NBPF11: variants seen among roughly 807,000 people sequenced by gnomAD.
NBPF11 encodes NBPF member 11.
Under a neutral mutation model 93.9 loss-of-function variants are expected in NBPF11, and 72 were observed. The observed-to-expected ratio is 0.77, with a 90% CI of 0.63 to 0.93. NBPF11 has a LOEUF of 0.93. NBPF11 is among the 40% of genes least tolerant of loss of function. NBPF11 has a pLI of 0.00. For synonymous variants in NBPF11, 224 were observed against 304.9 expected, an observed-to-expected ratio of 0.73 and a Z score of 2.76; for missense variants, 705 against 802.2, an observed-to-expected ratio of 0.88 and a Z score of 1.46.
intron 6 of NBPF11, among the ~76,000 whole-genome samples, chr1:148,124,379 C>A (rs1477962455): frequency 2.9e-4 from 43 of 150,242 alleles, no homozygotes; most frequent in Admixed American, 2.9e-3. Context: ...TGGCCATGGA[C>A]ATTTCCATGT....
At chr1:148,142,004 A>AGGAG (rs1207850587) in intron 2 of NBPF11, among the ~76,000 whole-genome samples, 10 of 116,384 alleles carry the variant, frequency 8.6e-5, no homozygotes, top group Non-Finnish European at 1.2e-4. Flanking sequence ...GAGGGAGGGA[A>AGGAG]GGAGGGAGGG....
intron 20 of NBPF11, 108 bp downstream of exon 20, chr1:148,106,834 C>T (rs1343409245): frequency 6.3e-6 from 5 of 795,880 alleles, no homozygotes; most frequent in Non-Finnish European, 1.1e-5. Context: ...TAGGTCCTGC[C>T]TGTGGCAATG....
At chr1:148,139,187 T>A (rs1412142282) in intron 2 of NBPF11, among the ~76,000 whole-genome samples, 2 of 151,490 alleles carry the variant, frequency 1.3e-5, no homozygotes, top group African/African-American at 4.9e-5. Flanking sequence ...TAGGAGATTT[T>A]AAAAAATTCC....
chr1:148,149,597 T>A (rs1213138631), intron 1 of NBPF11: 2 of 1,587,196 alleles, frequency 1.3e-6, no homozygotes, highest in African/African-American at 2.7e-5. Flanking sequence ...ACCTCAGCAA[T>A]AAGGCGGCCC....
At chr1:148,146,294 T>C (rs1320464691) in intron 1 of NBPF11, 2 of 1,342,138 alleles carry the variant, frequency 1.5e-6, no homozygotes, top group East Asian at 3.2e-5. Flanking sequence ...CTCTCCCCCC[T>C]GCCCGCGACT....
intron 11 of NBPF11, 109 bp downstream of exon 11, chr1:148,118,511 T>A: frequency 1.1e-6 from 1 of 886,658 alleles, no homozygotes; most frequent in Non-Finnish European, 1.9e-6. Context: ...CCATGGCAAT[T>A]CCTGCCCTTC....
chr1:148,127,069 G>A, intron 4 of NBPF11, 31 bp from the exon 5 acceptor site: 2 of 524,314 alleles, frequency 3.8e-6, no homozygotes, highest in East Asian at 3.0e-5. Flanking sequence ...CATATGATGG[G>A]TTAAAAACTG....
chr1:148,134,691 T>C (rs1164051502), intron 4 of NBPF11, among the ~76,000 whole-genome samples: 5 of 151,714 alleles, frequency 3.3e-5, no homozygotes, highest in Non-Finnish European at 7.4e-5. Flanking sequence ...GGCCAGTTTA[T>C]TTCATGCCTT....
chr1:148,142,795 G>A (rs1253103416), intron 2 of NBPF11, among the ~76,000 whole-genome samples: 1 of 151,898 alleles, frequency 6.6e-6, no homozygotes, highest in Non-Finnish European at 1.5e-5. Context: ...ACAAGGTCCT[G>A]GGGAACCAAG....
rs1429104043 is a variant in NBPF11 at position 148,146,845 on chromosome 1, G to A, written c.-548-3159C>T. On this transcript the variant is annotated intron_variant, in intron 1 of 23. Transcript: ENST00000682118. The stretch of plus-strand genomic sequence containing the variant: ...CTTCACCTACGACTCCTCCGGCTAC[G>A]GTGCCAGCTCGGGCAGGCCTTCCGA... 2.0e-5 allele frequency: 32 copies of A among 1,613,802 alleles called. 1 individual carries two copies. The highest frequency in any genetic ancestry group is 1.8e-4 in the South Asian group (16 of 91,084).
At chr1:148,107,478 G>A (rs1663994068) in intron 19 of NBPF11, among the ~76,000 whole-genome samples, 2 of 152,020 alleles carry the variant, frequency 1.3e-5, no homozygotes, top group African/African-American at 4.8e-5. Flanking sequence ...AAGATTCCAT[G>A]CAGTTGCCAT....
rs1320929782 is a variant in NBPF11, at chr1:148,110,303, C to A, written c.1801+75G>T. 3.1e-4 allele frequency: 476 copies of A among 1,551,406 alleles called. 18 individuals carry two copies. The highest frequency in any genetic ancestry group is 2.8e-3 in the East Asian group (125 of 43,948). ...TGGCAACTCTCAGCCCAACCAGGGG[C>A]ACAAGGCCCAAAGATTATGGGGTCT... On this transcript the variant is annotated intron_variant, in intron 16 of 23. Transcript: ENST00000682118.
intron 15 of NBPF11, among the ~76,000 whole-genome samples, chr1:148,111,065 A>C (rs1340000508): frequency 6.6e-6 from 1 of 151,874 alleles, no homozygotes; most frequent in Non-Finnish European, 1.5e-5. Flanking sequence ...CCCTGGATTT[A>C]AACACATGGG....
Position 148,151,025 on chromosome 1 carries a change from G to A in NBPF11, c.-549+725C>T, listed in dbSNP as rs1334954044. On this transcript the variant is annotated intron_variant, in intron 1 of 23. Coordinates refer to ENST00000682118, the MANE Select transcript of NBPF11 (RefSeq NM_001385469.3). ...TCGAAAGCAGCTCCACCAGCAAAAG[G>A]TAGGAGGAAAGCGAGGAAACCATTC... Among the ~76,000 whole-genome samples the A allele has an allele frequency of 3.9e-5, 6 of 151,990 alleles. No individual in the cohort carries two copies. In the East Asian group the frequency reaches 9.7e-4, roughly 24 times the overall value.
intron 1 of NBPF11, among the ~76,000 whole-genome samples, chr1:148,147,762 C>G (rs1370733585): frequency 6.6e-6 from 1 of 151,956 alleles, no homozygotes. Context: ...CTGGCACCAC[C>G]CTGGCTCCAG....
In NBPF11 at chr1:148,103,383, G is replaced by A; in HGVS notation, c.*513C>T. ...ATGCCTGCAAAATGAAATCCCTGAG[G>A]AATTTTGTAGCTACCCAGAGATACG... On this transcript the variant is annotated 3_prime_UTR_variant, in exon 24 of 24. Transcript: ENST00000682118. The A allele has an allele frequency of 6.3e-6, 3 of 474,258 alleles. No homozygotes were observed. The South Asian group carries it at 6.4e-5, about 10-fold the overall frequency. 29.4% of individuals were successfully genotyped at this position (474,258 alleles called of 1,614,324 possible).
chr1:148,140,573 C>T (rs1305262988), intron 2 of NBPF11, among the ~76,000 whole-genome samples: 1 of 146,120 alleles, frequency 6.8e-6, no homozygotes, highest in Non-Finnish European at 1.5e-5. Context: ...AACTAAACAA[C>T]ACAAAGCAAA....
chr1:148,150,599 G>A (rs1648040310), intron 1 of NBPF11, among the ~76,000 whole-genome samples: 1 of 151,764 alleles, frequency 6.6e-6, no homozygotes, highest in Middle Eastern at 3.4e-3. Context: ...TAACAGCTCA[G>A]AACAAAGATT....
At chr1:148,123,695 C>A (rs1180963056) in intron 7 of NBPF11, among the ~76,000 whole-genome samples, 158 bp downstream of exon 7, 31 of 152,020 alleles carry the variant, frequency 2.0e-4, no homozygotes, top group African/African-American at 7.3e-4. Context: ...ATGGGTTTCC[C>A]ATTTCTGTTC....
Sources: gnomAD v4.1 joint callset for allele counts (sites outside exome capture counted in the v4.1 genomes callset) on GRCh38, gnomAD v4.1.1 for gene constraint, MANE v1.5 for transcripts, NCBI Gene and HGNC (gene_info 2026-07-23, HGNC 2026-07-21) for gene names.